The following CFAP77 variants were observed in gnomAD, a reference collection of about 807,000 sequenced individuals.
CFAP77 encodes cilia- and flagella-associated protein 77.
CFAP77 carries 25 observed loss-of-function variants against 31.1 expected under a neutral mutation model. The observed-to-expected ratio is 0.80, with a 90% CI of 0.59 to 1.12. The LOEUF is 1.12. CFAP77 is among the 50% of genes most tolerant of loss of function. CFAP77 has a pLI of 0.00. For missense variants in CFAP77, 377 were observed against 397.3 expected (o/e 0.95, Z 0.44); for synonymous variants, 151 against 159.9 (o/e 0.94, Z 0.42).
rs144877118 is a variant in CFAP77 at position 132,442,795 on chromosome 9, G to T, written c.195+32329G>T. Among the ~76,000 whole-genome samples, 204 of 152,020 alleles carry T rather than the reference G, an allele frequency of 1.3e-3. 1 individual carries two copies. The highest frequency in any genetic ancestry group is 4.8e-3 in the African/African-American group (198 of 41,458). ...GGGCTCAAGCGATCCTCCCACTTCG[G>T]CCTCCCAAAGTGCTGGGATTACAGG... On this transcript the variant is annotated intron_variant, in intron 1 of 5. Transcript: ENST00000393216.
intron 1 of CFAP77, among the ~76,000 whole-genome samples, chr9:132,446,696 A>C (rs962438729): frequency 6.8e-6 from 1 of 147,832 alleles, no homozygotes; most frequent in African/African-American, 2.5e-5. Flanking sequence ...AGCAGAGATC[A>C]CACCACTGCA....
chr9:132,505,164 C>A (rs1440665739), intron 3 of CFAP77, among the ~76,000 whole-genome samples: 6 of 152,216 alleles, frequency 3.9e-5, no homozygotes, highest in Admixed American at 6.5e-5. Context: ...GTGACTGCCA[C>A]CCTGTGAGCT....
chr9:132,519,009 G>T (rs186944752), intron 3 of CFAP77, among the ~76,000 whole-genome samples: 1 of 152,160 alleles, frequency 6.6e-6, no homozygotes, highest in Non-Finnish European at 1.5e-5. Context: ...TCAGTCTCTC[G>T]AGTTGTTGTC....
In CFAP77 at chr9:132,490,437, G is replaced by A. The variant is rs532383065; in HGVS notation, c.196-8258G>A. 6.6e-6 allele frequency among the ~76,000 whole-genome samples: 1 copy of A among 152,276 alleles called. No individual in the cohort carries two copies. Among genetic ancestry groups the A allele is most frequent in the South Asian group, 2.1e-4 (1 of 4,824 alleles). ...TTCGGGGTCAGGAGCTCGTTTGAGT[G>A]CCTCTCCCTGTAGGTTCTTAACAGG... is the stretch of plus-strand genomic sequence containing the variant. On this transcript the variant is annotated intron_variant, in intron 1 of 5. Coordinates refer to ENST00000393216, the MANE Select transcript of CFAP77 (RefSeq NM_001282957.2). The surrounding 1 kb of genome is among the most constrained non-coding windows in gnomAD (Gnocchi z 4.6).
intron 1 of CFAP77, among the ~76,000 whole-genome samples, chr9:132,432,235 G>T (rs558741085): frequency 2.6e-5 from 4 of 152,282 alleles, no homozygotes; most frequent in African/African-American, 9.6e-5. Context: ...AGTGAGCCTG[G>T]ATCTGGGGGA....
Position 132,499,263 on chromosome 9 carries a change from TA to T in CFAP77, c.296-106del. ...AGGGTTGTCACCCAGTAGGCTCAGGTAAATGGGAAGGCCGAGGACCCGCGTG... is the reference window on the plus strand; with the variant it reads ...AGGGTTGTCACCCAGTAGGCTCAGGTAATGGGAAGGCCGAGGACCCGCGTG... On this transcript the variant is annotated intron_variant, in intron 2 of 5. Transcript: ENST00000393216. The surrounding 1 kb of genome is among the most constrained non-coding windows in gnomAD (Gnocchi z 5.4). 1.0e-6 allele frequency: 1 copy of T among 955,124 alleles called. No homozygotes were observed. Among genetic ancestry groups the T allele is most frequent in the Non-Finnish European group, 1.6e-6 (1 of 634,644 alleles). The allele number at this position is 955,124 out of a possible 1,614,324, so 59.2% of individuals were successfully genotyped here. A position where few individuals can be genotyped will look rare whatever the true frequency, so the allele number is the denominator to read the frequency against.
At position 132,492,823 on chromosome 9, in the gene CFAP77, C is replaced by T. The variant is rs564462046; in HGVS notation, c.196-5872C>T. Among the ~76,000 whole-genome samples, 10 of 152,302 alleles carry T rather than the reference C, an allele frequency of 6.6e-5. No homozygotes were observed. In the South Asian group the frequency reaches 1.9e-3, roughly 28 times the overall value. Reference sequence around the variant, plus strand: ...CTGGTAATGAGTGGATGTGCTGCTCCTCTTGGGCATTTGCACGTGAACAAA... The same window carrying T: ...CTGGTAATGAGTGGATGTGCTGCTCTTCTTGGGCATTTGCACGTGAACAAA... On this transcript the variant is annotated intron_variant, in intron 1 of 5. Coordinates refer to ENST00000393216, the MANE Select transcript of CFAP77 (RefSeq NM_001282957.2).
intron 1 of CFAP77, among the ~76,000 whole-genome samples, chr9:132,466,313 A>G (rs1851150055): frequency 6.6e-6 from 1 of 152,152 alleles, no homozygotes; most frequent in Admixed American, 6.5e-5. Context: ...CTCTCACGAC[A>G]GGACCCATCC....
chr9:132,467,093 G>A (rs901975432), intron 1 of CFAP77, among the ~76,000 whole-genome samples: 6 of 152,170 alleles, frequency 3.9e-5, no homozygotes, highest in South Asian at 2.1e-4. Context: ...CAGGAGAATC[G>A]TTTGAATCTG....
intron 5 of CFAP77, among the ~76,000 whole-genome samples, chr9:132,561,645 A>C (rs998306371): frequency 7.4e-5 from 8 of 108,556 alleles, no homozygotes; most frequent in African/African-American, 5.0e-4. Flanking sequence ...ACACACACAC[A>C]CACACACACA....
At chr9:132,516,206 A>G (rs994758859) in intron 3 of CFAP77, among the ~76,000 whole-genome samples, 1 of 152,160 alleles carries the variant, frequency 6.6e-6, no homozygotes, top group African/African-American at 2.4e-5. Flanking sequence ...TCTGATTTTT[A>G]AAAAAATATA....
At chr9:132,416,329 A>ATT (rs71503303) in intron 1 of CFAP77, among the ~76,000 whole-genome samples, 1,047 of 60,318 alleles carry the variant, frequency 0.017, 220 homozygotes, top group Middle Eastern at 0.031. Context: ...TTCTTATCTG[A>ATT]TTTTTTTTTT....
At chr9:132,432,774 C>T (rs566104856) in intron 1 of CFAP77, among the ~76,000 whole-genome samples, 15 of 144,558 alleles carry the variant, frequency 1.0e-4, no homozygotes, top group South Asian at 2.2e-4. Context: ...AGTGCAGTGG[C>T]GCGATCTCGG....
At chr9:132,462,204 C>G (rs530467) in intron 1 of CFAP77, among the ~76,000 whole-genome samples, 1 of 151,938 alleles carries the variant, frequency 6.6e-6, no homozygotes, top group Non-Finnish European at 1.5e-5. Flanking sequence ...TCCCCTGGGA[C>G]GGAGGGAAGA....
intron 1 of CFAP77, among the ~76,000 whole-genome samples, chr9:132,465,349 C>CA (rs973722477): frequency 8.6e-5 from 13 of 151,742 alleles, no homozygotes; most frequent in Admixed American, 5.9e-4. Flanking sequence ...ATTGCAGCAG[C>CA]AAAAAAACAA....
At chr9:132,503,209 C>T (rs555748973) in intron 3 of CFAP77, among the ~76,000 whole-genome samples, 6 of 152,358 alleles carry the variant, frequency 3.9e-5, no homozygotes, top group Middle Eastern at 3.4e-3. Flanking sequence ...GTGGGTCCCC[C>T]AAGGCATCCC....
At chr9:132,560,235 G>A (rs1448795438) in intron 5 of CFAP77, among the ~76,000 whole-genome samples, 3 of 152,172 alleles carry the variant, frequency 2.0e-5, no homozygotes, top group Admixed American at 6.5e-5. Flanking sequence ...AGTGATCATC[G>A]CCTAGATTCT....
chr9:132,556,031 C>T lies in CFAP77; in HGVS notation c.732+12984C>T, dbSNP rs532217398. Among the ~76,000 whole-genome samples, 11 of 152,212 alleles carry T rather than the reference C, an allele frequency of 7.2e-5. No homozygotes were observed. The South Asian group carries it at 2.1e-3, about 29-fold the overall frequency. ...TCCGTGTGCTTGGAGGCACCTGCCC[C>T]GGTGGGAGAACCCACCAGGAGTTTA... On this transcript the variant is annotated intron_variant, in intron 5 of 5. Transcript: ENST00000393216.
At chr9:132,558,893 A>G (rs1852948139) in intron 5 of CFAP77, among the ~76,000 whole-genome samples, 1 of 151,602 alleles carries the variant, frequency 6.6e-6, no homozygotes, top group African/African-American at 2.4e-5. Context: ...ACGCACCTGT[A>G]ATCCCAGTTG....
Sources: gnomAD v4.1 joint callset for allele counts (sites outside exome capture counted in the v4.1 genomes callset) on GRCh38, gnomAD v4.1.1 for gene constraint, Gnocchi (gnomAD v3.1) non-coding constraint, MANE v1.5 for transcripts, NCBI Gene and HGNC (gene_info 2026-07-23, HGNC 2026-07-21) for gene names.